The following WBP2NL variants were observed in gnomAD, a reference collection of about 807,000 sequenced individuals.
WBP2NL encodes the protein postacrosomal sheath WW domain-binding protein.
WBP2NL carries 27 observed loss-of-function variants against 23.3 expected under a neutral mutation model. The observed-to-expected ratio is 1.16, with a 90% CI of 0.85 to 1.60. WBP2NL has a LOEUF of 1.60. WBP2NL is among the 40% of genes most tolerant of loss of function. The pLI is 0.00. For synonymous variants in WBP2NL, 151 were observed against 145.9 expected (o/e 1.03, Z -0.25); for missense variants, 370 against 389.5 (o/e 0.95, Z 0.42).
chr22:42,047,683 G>A (rs1170170397), intron 8 of WBP2NL, among the ~76,000 whole-genome samples: 1 of 145,632 alleles, frequency 6.9e-6, no homozygotes, highest in Non-Finnish European at 1.5e-5. Context: ...GTGCAGTGGC[G>A]CCGTCTCAGC....
chr22:42,001,203 A>G (rs1921632071), intron 1 of WBP2NL: 1 of 735,746 alleles, frequency 1.4e-6, no homozygotes, highest in Non-Finnish European at 2.5e-6. Flanking sequence ...CAGCAGTCAA[A>G]TGTGCCTGTG....
Position 42,027,260 on chromosome 22 carries a change from C to G in WBP2NL, c.*79C>G, listed in dbSNP as rs1924600892. On this transcript the variant is annotated 3_prime_UTR_variant, in exon 6 of 6. Transcript: ENST00000328823. The stretch of plus-strand genomic sequence containing the variant: ...TGAAGTCAGGATAAGGAGGACGACT[C>G]AGGTATGTGATCACAGGCTTCTCGC... 6.7e-7 allele frequency: 1 copy of G among 1,500,788 alleles called. No individual in the cohort carries two copies. Among genetic ancestry groups the G allele is most frequent in the Non-Finnish European group, 8.9e-7 (1 of 1,125,170 alleles). 93.0% of individuals were successfully genotyped at this position (1,500,788 alleles called of 1,614,324 possible).
chr22:42,057,869 G>GTGTATATATA (rs1926112302), intron 8 of WBP2NL, among the ~76,000 whole-genome samples: 2 of 32,540 alleles, frequency 6.1e-5, no homozygotes, highest in African/African-American at 3.0e-4. Flanking sequence ...GTGTGTGTAT[G>GTGTATATATA]TATATATATA....
At chr22:42,013,154 C>T (rs1437603838) in intron 1 of WBP2NL, among the ~76,000 whole-genome samples, 2 of 151,926 alleles carry the variant, frequency 1.3e-5, no homozygotes, top group Non-Finnish European at 2.9e-5. Flanking sequence ...GAGCAGATCA[C>T]CTGAGGCCGG....
intron 1 of WBP2NL, among the ~76,000 whole-genome samples, chr22:42,009,318 A>G (rs133321): frequency 0.43 from 65,169 of 152,036 alleles, 15,075 homozygotes; most frequent in East Asian, 0.85. Context: ...TAAGTTTGAT[A>G]TAGTCCAATT....
downstream of WBP2NL, chr22:42,032,772 G>C (rs557337576): frequency 2.1e-6 from 1 of 470,298 alleles, no homozygotes; most frequent in African/African-American, 2.0e-5. Flanking sequence ...TTCCTAAATG[G>C]ATTAGAAAGA....
chr22:42,047,400 G>A (rs1255549472), intron 8 of WBP2NL, among the ~76,000 whole-genome samples: 1 of 151,554 alleles, frequency 6.6e-6, no homozygotes, highest in Non-Finnish European at 1.5e-5. Context: ...GACCAGCCTG[G>A]CCAACATGGT....
At chr22:42,045,620 A>G (rs1313573966) in intron 8 of WBP2NL, among the ~76,000 whole-genome samples, 1 of 152,224 alleles carries the variant, frequency 6.6e-6, no homozygotes. Flanking sequence ...TCGATAACCT[A>G]GATGAAATGG....
intron 8 of WBP2NL, among the ~76,000 whole-genome samples, chr22:42,050,696 CCAAA>C (rs1442062702): frequency 6.6e-6 from 1 of 151,572 alleles, no homozygotes; most frequent in Non-Finnish European, 1.5e-5. Flanking sequence ...GATAAAAGAC[CCAAA>C]CAGACACCTC....
Position 42,027,266 on chromosome 22 carries a change from T to C in WBP2NL, c.*85T>C. On this transcript the variant is annotated 3_prime_UTR_variant, in exon 6 of 6. Coordinates refer to ENST00000328823, the MANE Select transcript of WBP2NL (RefSeq NM_152613.3). ...CAGGATAAGGAGGACGACTCAGGTA[T>C]GTGATCACAGGCTTCTCGCAGGTAG... 1 of 1,489,468 alleles carries C rather than the reference T, an allele frequency of 6.7e-7. No homozygotes were observed. Among genetic ancestry groups the C allele is most frequent in the Non-Finnish European group, 8.9e-7 (1 of 1,118,172 alleles). 92.3% of individuals were successfully genotyped at this position (1,489,468 alleles called of 1,614,324 possible). A position where few individuals can be genotyped will look rare whatever the true frequency, so the allele number is the denominator to read the frequency against.
intron 1 of WBP2NL, chr22:42,002,739 A>G (rs1451900630): frequency 6.6e-6 from 1 of 152,228 alleles, no homozygotes; most frequent in Non-Finnish European, 1.5e-5. Context: ...GGTACTGTGC[A>G]TAAACTCCTG....
At chr22:42,043,713 C>T (rs997464739) in intron 8 of WBP2NL, among the ~76,000 whole-genome samples, 9 of 148,724 alleles carry the variant, frequency 6.1e-5, no homozygotes, top group South Asian at 2.2e-4. Context: ...ACACGCTAGC[C>T]AAAACTACTG....
chr22:42,000,528 CAT>C (rs1921530463), intron 1 of WBP2NL, among the ~76,000 whole-genome samples: 1 of 152,114 alleles, frequency 6.6e-6, no homozygotes, highest in Non-Finnish European at 1.5e-5. Flanking sequence ...TCATCATCAT[CAT>C]AGAAATGGCT....
At chr22:42,020,131 G>T in intron 4 of WBP2NL, 35 bp downstream of exon 4, 1 of 1,574,866 alleles carries the variant, frequency 6.3e-7, no homozygotes, top group South Asian at 1.2e-5. Flanking sequence ...AAGCACTTTG[G>T]GGTTTTTTGT....
chr22:42,002,770 A>G (rs1921830095), intron 1 of WBP2NL: 1 of 152,154 alleles, frequency 6.6e-6, no homozygotes, highest in African/African-American at 2.4e-5. Flanking sequence ...GTCCCTCTAG[A>G]AAGAAAAGGA....
chr22:42,019,510 T>C (rs1923679959), intron 2 of WBP2NL, 91 bp downstream of exon 2: 1 of 1,548,650 alleles, frequency 6.5e-7, no homozygotes, highest in Admixed American at 1.8e-5. Context: ...TTTGAAGTGT[T>C]TTTAAACGTG....
intron 8 of WBP2NL, among the ~76,000 whole-genome samples, chr22:42,043,325 A>G (rs1261630439): frequency 2.0e-5 from 3 of 152,182 alleles, no homozygotes; most frequent in Non-Finnish European, 4.4e-5. Context: ...GTTCTCAGCA[A>G]TGCTTCCAGG....
intron 4 of WBP2NL, 120 bp downstream of exon 4, chr22:42,020,216 AT>A: frequency 9.8e-7 from 1 of 1,015,250 alleles, no homozygotes; most frequent in Non-Finnish European, 1.4e-6. Context: ...GGATTTTTGT[AT>A]TTTTGTAAGT....
chr22:42,043,040 G>A (rs910354780), intron 8 of WBP2NL, among the ~76,000 whole-genome samples: 14 of 146,580 alleles, frequency 9.6e-5, no homozygotes, highest in Non-Finnish European at 1.8e-4. Flanking sequence ...AAAAAAAAAA[G>A]GAGAAGAAGC....
Sources: gnomAD v4.1 joint callset for allele counts (sites outside exome capture counted in the v4.1 genomes callset) on GRCh38, gnomAD v4.1.1 for gene constraint, MANE v1.5 for transcripts, NCBI Gene and HGNC (gene_info 2026-07-23, HGNC 2026-07-21) for gene names.